LEPROTL1: variants seen among roughly 807,000 people sequenced by gnomAD.
The protein encoded by LEPROTL1 is leptin receptor overlapping transcript-like 1.
A neutral mutation model predicts 15.4 loss-of-function variants in LEPROTL1; 6 were observed. That is an observed-to-expected ratio of 0.39 (90% CI 0.21 to 0.77). The LOEUF is 0.77. Ranked by LOEUF, LEPROTL1 falls within the 30% of genes least tolerant of loss-of-function variation. LEPROTL1 has a pLI of 0.41. For synonymous variants in LEPROTL1, 56 were observed against 52.6 expected (o/e 1.06, Z -0.28); for missense variants, 128 against 158.1 (o/e 0.81, Z 1.02).
chr8:30,101,629 T>C (rs1303034421), intron 1 of LEPROTL1, among the ~76,000 whole-genome samples: 8 of 132,564 alleles, frequency 6.0e-5, no homozygotes, highest in African/African-American at 1.1e-4. Context: ...GATCAAGCCA[T>C]TGGACTCCAG....
At chr8:30,119,043 G>A (rs966677705) in intron 3 of LEPROTL1, among the ~76,000 whole-genome samples, 4 of 152,188 alleles carry the variant, frequency 2.6e-5, no homozygotes, top group Non-Finnish European at 4.4e-5. Context: ...CACATGGGGA[G>A]AAACCTTGGA....
chr8:30,119,584 C>A (rs1248455397), intron 3 of LEPROTL1, among the ~76,000 whole-genome samples: 3 of 152,126 alleles, frequency 2.0e-5, no homozygotes, highest in Non-Finnish European at 4.4e-5. Flanking sequence ...TGGATGAGGG[C>A]CCATGCTAAT....
At chr8:30,131,711 T>C in intron 3 of LEPROTL1, 2 of 441,964 alleles carry the variant, frequency 4.5e-6, no homozygotes, top group Non-Finnish European at 8.1e-6. Context: ...ATCTAGACTG[T>C]AAACCTTAAG....
intron 1 of LEPROTL1, among the ~76,000 whole-genome samples, chr8:30,100,680 A>G (rs1344718675): frequency 2.0e-5 from 3 of 152,040 alleles, no homozygotes; most frequent in African/African-American, 2.4e-5. Flanking sequence ...CAAACCCCCA[A>G]CCTCATGATC....
At chr8:30,110,198 G>A (rs566374052), downstream of LEPROTL1, among the ~76,000 whole-genome samples, 2 of 152,238 alleles carry the variant, frequency 1.3e-5, no homozygotes, top group South Asian at 4.1e-4. Flanking sequence ...CCATACACAT[G>A]GTTAGTCACA....
In LEPROTL1 at chr8:30,132,837, A is replaced by C. The variant is rs143535986; in HGVS notation, c.394+348A>C. ...CAGATGCTGCCTTCACTTTCCCCTCACAAATGTCCAGAGAGAGGGACGTGA... is the reference window on the plus strand; with the variant it reads ...CAGATGCTGCCTTCACTTTCCCCTCCCAAATGTCCAGAGAGAGGGACGTGA... On this transcript the variant is annotated intron_variant, in intron 4 of 4. Transcript: ENST00000442880. The C allele has an allele frequency of 6.7e-5, 104 of 1,551,526 alleles. No individual in the cohort carries two copies. In the African/African-American group the frequency reaches 1.3e-3, roughly 20 times the overall value.
At chr8:30,097,692 T>C (rs139021137) in intron 1 of LEPROTL1, among the ~76,000 whole-genome samples, 3,583 of 116,884 alleles carry the variant, frequency 0.031, 81 homozygotes, top group South Asian at 0.059. Context: ...AAAATATATA[T>C]ATATATACAC....
At position 30,099,599 on chromosome 8, in the gene LEPROTL1, T is replaced by TAAAAAAAAAA. The variant is rs71204264; in HGVS notation, c.17-2282_17-2273dup. ...CCTGGCGACAGCGCAAGACTCCATT[T>TAAAAAAAAAA]AAAAAAAAAAAAAAAAAAAAAAAAA... On this transcript the variant is annotated intron_variant, in intron 1 of 3. Transcript: ENST00000321250. Among the ~76,000 whole-genome samples the TAAAAAAAAAA allele has an allele frequency of 1.1e-4, 12 of 112,458 alleles. 1 individual carries two copies. Among genetic ancestry groups the TAAAAAAAAAA allele is most frequent in the African/African-American group, 3.6e-4 (10 of 27,724 alleles). The allele number at this position is 112,458 out of a possible 152,430, so 73.8% of individuals were successfully genotyped here. A position where few individuals can be genotyped will look rare whatever the true frequency, so the allele number is the denominator to read the frequency against.
At chr8:30,110,343 T>C (rs980174358), downstream of LEPROTL1, among the ~76,000 whole-genome samples, 6 of 151,680 alleles carry the variant, frequency 4.0e-5, no homozygotes, top group Non-Finnish European at 8.8e-5. Context: ...TTCTGCAGAG[T>C]TTTGTATTTA....
At chr8:30,132,422 G>C in exon 4 of LEPROTL1, 1 of 1,551,742 alleles carries the variant, frequency 6.4e-7, no homozygotes. Flanking sequence ...CCAGGGCTCT[G>C]ACCAAGCTCA....
intron 3 of LEPROTL1, among the ~76,000 whole-genome samples, chr8:30,123,269 T>A (rs1369446922): frequency 6.6e-6 from 1 of 152,174 alleles, no homozygotes; most frequent in Non-Finnish European, 1.5e-5. Flanking sequence ...CATACTCTAG[T>A]GGTCAACCCA....
rs921941208 is a variant in LEPROTL1, at chr8:30,107,288, G to A, written c.*1426G>A. ...CAGGCATGATCAATTTATAGTGGTC[G>A]TTTACATCTAATAATTATCAGGACT... On this transcript the variant is annotated 3_prime_UTR_variant, in exon 4 of 4. Coordinates refer to ENST00000321250, the MANE Select transcript of LEPROTL1 (RefSeq NM_015344.3). 1.0e-4 allele frequency: 101 copies of A among 985,396 alleles called. No homozygotes were observed. Among genetic ancestry groups the A allele is most frequent in the Admixed American group, 1.2e-4 (2 of 16,262 alleles). The allele number at this position is 985,396 out of a possible 1,614,324, so 61.0% of individuals were successfully genotyped here. A position where few individuals can be genotyped will look rare whatever the true frequency, so the allele number is the denominator to read the frequency against.
At chr8:30,117,731 C>T (rs1326072243) in intron 3 of LEPROTL1, 7 of 1,076,196 alleles carry the variant, frequency 6.5e-6, no homozygotes, top group Non-Finnish European at 1.0e-5. Flanking sequence ...CTCTTTTCGG[C>T]ATTGTTGATG....
intron 4 of LEPROTL1, among the ~76,000 whole-genome samples, chr8:30,136,346 AG>A (rs1222542114): frequency 6.6e-6 from 1 of 152,212 alleles, no homozygotes; most frequent in African/African-American, 2.4e-5. Flanking sequence ...GCGGACATAC[AG>A]GGACACTGCC....
intron 3 of LEPROTL1, among the ~76,000 whole-genome samples, chr8:30,124,463 C>G (rs1043497136): frequency 6.6e-6 from 1 of 152,102 alleles, no homozygotes; most frequent in East Asian, 1.9e-4. Context: ...TATTTTAAAG[C>G]AATCCAAGAT....
chr8:30,132,906 C>T, intron 4 of LEPROTL1: 1 of 1,501,728 alleles, frequency 6.7e-7, no homozygotes, highest in Non-Finnish European at 8.9e-7. Context: ...TGATGCAGAA[C>T]CTGCAAGATA....
chr8:30,095,744 G>T, intron 1 of LEPROTL1: 2 of 695,298 alleles, frequency 2.9e-6, no homozygotes, highest in South Asian at 3.0e-5. Context: ...TCGCCCCGCA[G>T]CCCCCACTTT....
rs114412309 is a variant in LEPROTL1, at chr8:30,095,409, C to T, written c.-104C>T. ...TCGCCGGCGGAAGTGCTGCGTCGCG[C>T]ACTTCCGGGTGTTGTCTGGCCGCCG... On this transcript the variant is annotated 5_prime_UTR_variant, in exon 1 of 4. Coordinates refer to ENST00000321250, the MANE Select transcript of LEPROTL1 (RefSeq NM_015344.3). The T allele has an allele frequency of 1.4e-3, 1,699 of 1,172,604 alleles. 29 individuals carry two copies. The African/African-American group carries it at 0.025, about 17-fold the overall frequency. The allele number at this position is 1,172,604 out of a possible 1,614,324, so 72.6% of individuals were successfully genotyped here. A position where few individuals can be genotyped will look rare whatever the true frequency, so the allele number is the denominator to read the frequency against.
At chr8:30,099,319 T>G (rs1298811018) in intron 1 of LEPROTL1, among the ~76,000 whole-genome samples, 1 of 151,776 alleles carries the variant, frequency 6.6e-6, no homozygotes, top group Non-Finnish European at 1.5e-5. Context: ...TGAGGCCAGG[T>G]GCAGTGGCTC....
Sources: allele counts gnomAD v4.1 joint callset (sites outside exome capture counted in the v4.1 genomes callset), GRCh38; gene constraint gnomAD v4.1.1; transcripts MANE v1.5; gene names NCBI Gene and HGNC (gene_info 2026-07-23, HGNC 2026-07-21).